The following ORC6 variants were observed in gnomAD, a reference collection of about 807,000 sequenced individuals.
ORC6 encodes the protein origin recognition complex, subunit 6 homolog-like (yeast).
Under a neutral mutation model 30.0 loss-of-function variants are expected in ORC6, and 31 were observed. That is an observed-to-expected ratio of 1.03 (90% CI 0.78 to 1.40). ORC6 has a LOEUF of 1.40. Among genes scored for constraint, ORC6 ranks in the 40% most tolerant of loss-of-function variants. ORC6 has a pLI of 0.00. For missense variants in ORC6, 340 were observed against 304.3 expected (o/e 1.12, Z -0.87); for synonymous variants, 136 against 111.2 (o/e 1.22, Z -1.40).
At position 46,689,687 on chromosome 16, in the gene ORC6, T is replaced by C. The variant is rs779856890; in HGVS notation, c.-19T>C. The stretch of plus-strand genomic sequence containing the variant: ...GACCCGCGGCGTTCACGGGAATTGT[T>C]CGCTTTAGTGCCGGCGCCATGGGGT... On this transcript the variant is annotated 5_prime_UTR_variant, in exon 1 of 7. Coordinates refer to ENST00000219097, the MANE Select transcript of ORC6 (RefSeq NM_014321.4). 4.4e-5 allele frequency: 71 copies of C among 1,596,328 alleles called. No homozygotes were observed. In the East Asian group the frequency reaches 1.5e-3, roughly 33 times the overall value.
rs1365275921 is a variant in ORC6, at chr16:46,698,091, G to A, written c.*506G>A. 4.6e-5 allele frequency: 20 copies of A among 431,936 alleles called. No homozygotes were observed. The East Asian group carries it at 1.4e-3, about 31-fold the overall frequency. 26.8% of individuals were successfully genotyped at this position (431,936 alleles called of 1,614,324 possible). ...GATTGCACCACCGCACTCCAGCCTG[G>A]GTGACAGAGCGAGACTTATCTCATA... On this transcript the variant is annotated 3_prime_UTR_variant, in exon 7 of 7. Transcript: ENST00000219097.
At chr16:46,690,901 G>T (rs1056558593) in intron 1 of ORC6, 90 bp from the exon 2 acceptor site, 2 of 1,389,228 alleles carry the variant, frequency 1.4e-6, no homozygotes, top group African/African-American at 2.8e-5. Flanking sequence ...TAGGCTTAGT[G>T]TGAAGCTAAC....
rs1394179119 is a variant in ORC6, at chr16:46,695,799, A to G, written c.562+125A>G. ...ATTCCGTATTACATGTGGACCAGGT[A>G]TGTTTTTATTGATGTTTCTAACCTA... On this transcript the variant is annotated intron_variant, in intron 5 of 6. Transcript: ENST00000219097. 6 of 768,546 alleles carry G rather than the reference A, an allele frequency of 7.8e-6. No homozygotes were observed. In the East Asian group the frequency reaches 1.3e-4, roughly 17 times the overall value. 47.6% of individuals were successfully genotyped at this position (768,546 alleles called of 1,614,324 possible).
rs368382519 is a variant in ORC6, at chr16:46,693,082, T to C, written c.360-11T>C. ...TTCTAACAGATAATTCTGCAATAAC[T>C]TCTCCTTTAGCTATGAGTCCAGTCT... On this transcript the variant is annotated splice_polypyrimidine_tract_variant and intron_variant, in intron 3 of 6. Transcript: ENST00000219097. 6.4e-6 allele frequency: 10 copies of C among 1,561,734 alleles called. No individual in the cohort carries two copies. The highest frequency in any genetic ancestry group is 8.8e-6 in the Non-Finnish European group (10 of 1,132,490).
chr16:46,689,669 G>A lies in ORC6; in HGVS notation c.-37G>A. ...TTGCGCGCGGGTTTCGTTGACCCGC[G>A]GCGTTCACGGGAATTGTTCGCTTTA... On this transcript the variant is annotated 5_prime_UTR_variant, in exon 1 of 7. Coordinates refer to ENST00000219097, the MANE Select transcript of ORC6 (RefSeq NM_014321.4). 1 of 1,582,156 alleles carries A rather than the reference G, an allele frequency of 6.3e-7. No homozygotes were observed. The highest frequency in any genetic ancestry group is 1.1e-5 in the South Asian group (1 of 87,194).
At chr16:46,692,143 C>A (rs887170016) in intron 2 of ORC6, among the ~76,000 whole-genome samples, 1 of 152,044 alleles carries the variant, frequency 6.6e-6, no homozygotes, top group East Asian at 1.9e-4. Flanking sequence ...AATTTTAAAT[C>A]ATCTGTGCAT....
chr16:46,695,714 G>A (rs1966511578), intron 5 of ORC6, 40 bp downstream of exon 5: 3 of 1,317,514 alleles, frequency 2.3e-6, no homozygotes, highest in South Asian at 2.4e-5. Flanking sequence ...ATTTGAAAAT[G>A]TAGTCCTTTT....
At chr16:46,691,952 A>ACTCTCTCTCTCT (rs1422327857) in intron 2 of ORC6, among the ~76,000 whole-genome samples, 3 of 7,572 alleles carry the variant, frequency 4.0e-4, no homozygotes, top group African/African-American at 5.7e-4. Context: ...ACACACACAC[A>ACTCTCTCTCTCT]CACACACTCT....
At position 46,693,172 on chromosome 16, in the gene ORC6, T is replaced by C. The variant is rs900414275; in HGVS notation, c.439T>C (p.Ser147Pro). The C allele has an allele frequency of 1.2e-6, 2 of 1,607,092 alleles. No homozygotes were observed. Among genetic ancestry groups the C allele is most frequent in the Non-Finnish European group, 1.7e-6 (2 of 1,173,762 alleles). Residue 147 changes from serine to proline, a missense_variant, in exon 4 of 7, where the codon TCA becomes CCA. By Grantham distance (74) the Ser-to-Pro change is moderately conservative. Coordinates refer to ENST00000219097, the MANE Select transcript of ORC6 (RefSeq NM_014321.4). Reference sequence around the variant, plus strand: ...ACTTTTCACTTCTGCTGCACTGCTTTCAGCATGCAAGTAGGTATTTCATTA... The same window carrying C: ...ACTTTTCACTTCTGCTGCACTGCTTCCAGCATGCAAGTAGGTATTTCATTA... Reference protein sequence around the residue: ...RPLFTSAALLSACKILKLKVD... With the variant: ...RPLFTSAALLPACKILKLKVD...
At chr16:46,689,968 A>C in intron 1 of ORC6, 198 bp downstream of exon 1, 113 of 669,998 alleles carry the variant, frequency 1.7e-4, no homozygotes, top group Middle Eastern at 8.8e-4. Context: ...GGCGATAGCA[A>C]ACGGCGATGG....
chr16:46,690,345 G>A (rs934996738), intron 1 of ORC6, among the ~76,000 whole-genome samples: 3 of 152,240 alleles, frequency 2.0e-5, no homozygotes, highest in Non-Finnish European at 4.4e-5. Flanking sequence ...GTTGAGATGG[G>A]AAGCGGGATC....
At chr16:46,690,315 G>T (rs1966419754) in intron 1 of ORC6, among the ~76,000 whole-genome samples, 1 of 152,248 alleles carries the variant, frequency 6.6e-6, no homozygotes, top group Non-Finnish European at 1.5e-5. Flanking sequence ...CCAGGCAGGG[G>T]CGACAGCTCC....
chr16:46,689,973 C>T (rs1179369769), intron 1 of ORC6: 2 of 658,160 alleles, frequency 3.0e-6, no homozygotes, highest in Admixed American at 3.3e-5. Context: ...TAGCAAACGG[C>T]GATGGCACAC....
chr16:46,697,392 T>C (rs1966529163), intron 6 of ORC6, 66 bp from the exon 7 acceptor site: 2 of 1,394,710 alleles, frequency 1.4e-6, no homozygotes, highest in African/African-American at 1.4e-5. Context: ...TAAACAAGTT[T>C]ACCTTTTTTT....
intron 6 of ORC6, chr16:46,696,323 A>C: frequency 1.9e-6 from 1 of 540,016 alleles, no homozygotes; most frequent in South Asian, 2.0e-5. Flanking sequence ...TGGGAGGCTG[A>C]GGCGGGAGGA....
chr16:46,698,168 G>GA lies in ORC6; in HGVS notation c.*584dup. Reference sequence around the variant, plus strand: ...GGTGACAGAGCGAGACTTATAGATAGATAGATAGATAGATGGATAGATAGA... The same window carrying GA: ...GGTGACAGAGCGAGACTTATAGATAGAATAGATAGATAGATGGATAGATAGA... On this transcript the variant is annotated 3_prime_UTR_variant, in exon 7 of 7. Transcript: ENST00000219097. The GA allele has an allele frequency of 2.3e-6, 1 of 443,262 alleles. No homozygotes were observed. Among genetic ancestry groups the GA allele is most frequent in the South Asian group, 1.6e-5 (1 of 63,318 alleles). 27.5% of individuals were successfully genotyped at this position (443,262 alleles called of 1,614,324 possible). A position where few individuals can be genotyped will look rare whatever the true frequency, so the allele number is the denominator to read the frequency against.
intron 5 of ORC6, 39 bp downstream of exon 5, chr16:46,695,713 T>G (rs1966511555): frequency 1.5e-6 from 2 of 1,319,468 alleles, no homozygotes; most frequent in Non-Finnish European, 2.2e-6. Context: ...CATTTGAAAA[T>G]GTAGTCCTTT....
intron 2 of ORC6, among the ~76,000 whole-genome samples, chr16:46,691,864 A>G (rs761442003): frequency 9.9e-5 from 15 of 151,952 alleles, no homozygotes; most frequent in Non-Finnish European, 2.1e-4. Flanking sequence ...AGTCTCCCAG[A>G]CAGAGCTGGT....
chr16:46,692,889 T>TC (rs1555467453), intron 3 of ORC6, among the ~76,000 whole-genome samples: 1 of 151,470 alleles, frequency 6.6e-6, no homozygotes, highest in Non-Finnish European at 1.5e-5. Flanking sequence ...GCGGTGGCGG[T>TC]GGGGGGGACC....
Sources: allele counts gnomAD v4.1 joint callset (sites outside exome capture counted in the v4.1 genomes callset), GRCh38; gene constraint gnomAD v4.1.1; transcripts MANE v1.5; gene names NCBI Gene and HGNC (gene_info 2026-07-23, HGNC 2026-07-21).